The following KCNMA1 variants were observed in gnomAD, a reference collection of about 807,000 sequenced individuals.
The protein encoded by KCNMA1 is potassium calcium-activated channel subfamily M alpha 1, also known as Calcium-activated potassium channel subunit alpha-1.
Under a neutral mutation model 140.0 loss-of-function variants are expected in KCNMA1, and 29 were observed. That is an observed-to-expected ratio of 0.21 (90% CI 0.15 to 0.28). The LOEUF is 0.28. Ranked by LOEUF, KCNMA1 falls within the 10% of genes least tolerant of loss-of-function variation. The pLI is 1.00. For synonymous variants in KCNMA1, 612 were observed against 611.9 expected (o/e 1.00, Z 0.00); for missense variants, 880 against 1,602.2 (o/e 0.55, Z 7.70).
At chr10:76,988,504 G>C (rs2081899684) in intron 19 of KCNMA1, among the ~76,000 whole-genome samples, 1 of 152,018 alleles carries the variant, frequency 6.6e-6, no homozygotes, top group African/African-American at 2.4e-5. Context: ...CTCCAGCCTG[G>C]GTGACAGAAG....
intron 3 of KCNMA1, among the ~76,000 whole-genome samples, chr10:77,223,131 A>T (rs1003523609): frequency 6.6e-6 from 1 of 152,108 alleles, no homozygotes; most frequent in African/African-American, 2.4e-5. Context: ...CGGGAGGCTG[A>T]GGCAGGAGAA....
intron 1 of KCNMA1, among the ~76,000 whole-genome samples, chr10:77,601,575 G>T (rs1244366956): frequency 1.3e-5 from 2 of 152,088 alleles, no homozygotes; most frequent in African/African-American, 4.8e-5. Flanking sequence ...ATATCTGCTG[G>T]CAGCTTATTC....
intron 6 of KCNMA1, among the ~76,000 whole-genome samples, chr10:77,117,111 A>G (rs2097493852): frequency 6.6e-6 from 1 of 152,244 alleles, no homozygotes; most frequent in Admixed American, 6.5e-5. Flanking sequence ...ACTCATGCAT[A>G]TCATGGAATG....
chr10:76,877,858 C>T (rs2032685274), exon 30 of KCNMA1: 2 of 1,610,208 alleles, frequency 1.2e-6, no homozygotes. Context: ...CTGGGATAGG[C>T]ATTATCCGGT....
At chr10:76,906,159 CT>C (rs2047749947) in intron 25 of KCNMA1, among the ~76,000 whole-genome samples, 1 of 152,156 alleles carries the variant, frequency 6.6e-6, no homozygotes, top group Non-Finnish European at 1.5e-5. Context: ...CCAGTATTCA[CT>C]TTTCAGGGTC....
intron 1 of KCNMA1, among the ~76,000 whole-genome samples, chr10:77,452,988 G>T (rs2097691413): frequency 6.6e-6 from 1 of 152,114 alleles, no homozygotes; most frequent in African/African-American, 2.4e-5. Context: ...AACAGGGATG[G>T]GGGTACCTAG....
At chr10:76,899,681 T>G (rs977134048) in intron 25 of KCNMA1, among the ~76,000 whole-genome samples, 1 of 151,198 alleles carries the variant, frequency 6.6e-6, no homozygotes, top group Non-Finnish European at 1.5e-5. Flanking sequence ...CATTCCTTAG[T>G]ATAACAAGGA....
chr10:77,351,363 T>C (rs2092856992), intron 2 of KCNMA1, among the ~76,000 whole-genome samples: 1 of 152,192 alleles, frequency 6.6e-6, no homozygotes, highest in South Asian at 2.1e-4. Flanking sequence ...GAATTTCTGA[T>C]TTGTGGAAAA....
intron 3 of KCNMA1, among the ~76,000 whole-genome samples, chr10:77,198,829 G>A (rs2041555466): frequency 6.6e-6 from 1 of 152,042 alleles, no homozygotes; most frequent in East Asian, 1.9e-4. Context: ...CACAATTCCT[G>A]CCTCCTAGTT....
chr10:77,326,379 G>A (rs2154360760), intron 2 of KCNMA1, among the ~76,000 whole-genome samples: 1 of 152,236 alleles, frequency 6.6e-6, no homozygotes, highest in South Asian at 2.1e-4. Context: ...TTACACCTCT[G>A]AACCTCATCT....
chr10:76,979,029 TG>T (rs1344437000), intron 19 of KCNMA1, among the ~76,000 whole-genome samples: 1 of 152,220 alleles, frequency 6.6e-6, no homozygotes, highest in East Asian at 1.9e-4. Context: ...CTCTTAAATT[TG>T]GTGCCCAGGG....
Position 77,108,777 on chromosome 10 carries a change from C to A in KCNMA1, c.1132-205G>T, listed in dbSNP as rs1479517941. Among the ~76,000 whole-genome samples the A allele has an allele frequency of 6.6e-6, 1 of 151,918 alleles. No individual in the cohort carries two copies. Among genetic ancestry groups the A allele is most frequent in the African/African-American group, 2.4e-5 (1 of 41,362 alleles). ...ACACAAGACAAACAAACATTGGCCA[C>A]CTTGACAACTAAAGAACAAAAAAAA... is the stretch of plus-strand genomic sequence containing the variant. On this transcript the variant is annotated intron_variant, in intron 8 of 27. Coordinates refer to ENST00000286628, the MANE Select transcript of KCNMA1 (RefSeq NM_001161352.2). This position sits in a 1 kb window ranked among gnomAD's most constrained non-coding sequence, Gnocchi z 4.6.
chr10:77,335,873 C>A (rs1030697245), intron 2 of KCNMA1, among the ~76,000 whole-genome samples: 5 of 152,108 alleles, frequency 3.3e-5, no homozygotes, highest in African/African-American at 1.2e-4. Context: ...ACTCCAAGAC[C>A]CATGCTCCTC....
intron 2 of KCNMA1, among the ~76,000 whole-genome samples, chr10:77,292,678 C>T (rs995647793): frequency 2.0e-5 from 3 of 152,210 alleles, no homozygotes; most frequent in Admixed American, 1.3e-4. Context: ...GGTTGCCCTA[C>T]AGTGACCTAC....
intron 2 of KCNMA1, among the ~76,000 whole-genome samples, chr10:77,291,000 C>A (rs1051039796): frequency 4.6e-5 from 7 of 152,112 alleles, no homozygotes; most frequent in Non-Finnish European, 1.0e-4. Flanking sequence ...TGACAAGATG[C>A]CTTTCACCTA....
intron 14 of KCNMA1, 121 bp from the exon 15 acceptor site, chr10:77,039,758 A>G: frequency 2.8e-6 from 2 of 712,644 alleles, no homozygotes; most frequent in South Asian, 1.5e-5. Context: ...TGACCTTTTC[A>G]GCAATCAGGA....
chr10:76,944,896 A>C lies in KCNMA1; in HGVS notation c.2779T>G (p.Ser927Ala), dbSNP rs1565092384. Residue 927 changes from serine to alanine, a missense_variant, in exon 23 of 28, where the codon TCA becomes GCA. Around this residue, in one of 13 missense-constraint regions of KCNMA1, gnomAD observed 82 missense variants for 170.1 expected, o/e 0.48. Coordinates refer to ENST00000286628, the MANE Select transcript of KCNMA1 (RefSeq NM_001161352.2). ...TCATCAATATTATTCTGATTGGCTG[A>C]CAGGATAACGCACATGTCACAGAGG... is the stretch of plus-strand genomic sequence containing the variant. Reference protein sequence around the residue: ...INLCDMCVILSANQNNIDDTS... With the variant: ...INLCDMCVILAANQNNIDDTS... 6.2e-7 allele frequency: 1 copy of C among 1,614,020 alleles called. No individual in the cohort carries two copies. The highest frequency in any genetic ancestry group is 8.5e-7 in the Non-Finnish European group (1 of 1,179,954).
intron 16 of KCNMA1, among the ~76,000 whole-genome samples, chr10:77,025,096 C>T (rs1453011449): frequency 6.6e-6 from 1 of 151,474 alleles, no homozygotes; most frequent in Non-Finnish European, 1.5e-5. Flanking sequence ...ATTATTGGTG[C>T]CATGACTGAA....
intron 1 of KCNMA1, among the ~76,000 whole-genome samples, chr10:77,501,006 G>C (rs2043673317): frequency 1.3e-5 from 2 of 152,184 alleles, no homozygotes; most frequent in Non-Finnish European, 2.9e-5. Flanking sequence ...AGAAACTCTG[G>C]AGTGGGGCCA....
Sources: gnomAD v4.1 joint callset for allele counts (sites outside exome capture counted in the v4.1 genomes callset) on GRCh38, gnomAD v4.1.1 for gene constraint, gnomAD v4.1.1 regional missense constraint, Gnocchi (gnomAD v3.1) non-coding constraint, MANE v1.5 for transcripts, NCBI Gene and HGNC (gene_info 2026-07-23, HGNC 2026-07-21) for gene names.